PARP4: variants seen among roughly 807,000 people sequenced by gnomAD.
PARP4 encodes the protein protein mono-ADP-ribosyltransferase PARP4.
Under a neutral mutation model 187.7 loss-of-function variants are expected in PARP4, and 120 were observed. That is an observed-to-expected ratio of 0.64 (90% CI 0.55 to 0.74). The LOEUF (loss-of-function observed/expected upper bound fraction) is 0.74, where lower values mean the gene tolerates loss of function less well. PARP4 is among the 30% of genes least tolerant of loss of function. The pLI is 0.00. For missense variants in PARP4, 1,836 were observed against 2,070.5 expected (o/e 0.89, Z 2.20); for synonymous variants, 654 against 740.9 (o/e 0.88, Z 1.90).
rs1869157611 is a variant in PARP4, at chr13:24,499,511, T to C, written c.402-135A>G. 1.2e-5 allele frequency: 8 copies of C among 680,422 alleles called. 1 individual carries two copies. Among genetic ancestry groups the C allele is most frequent in the Middle Eastern group, 8.9e-4 (2 of 2,256 alleles). The allele number at this position is 680,422 out of a possible 1,614,324, so 42.1% of individuals were successfully genotyped here. On this transcript the variant is annotated intron_variant, in intron 4 of 33. Transcript: ENST00000381989. ...TTACAAAACACATGGTAAGTCCACA[T>C]GGTAAGTCCCTAAGGCCTCCTTAGC...
intron 4 of PARP4, 145 bp from the exon 5 acceptor site, chr13:24,499,521 C>T (rs933626950): frequency 3.3e-6 from 2 of 611,444 alleles, no homozygotes; most frequent in East Asian, 6.6e-5. Context: ...TGGTAAGTCC[C>T]TAAGGCCTCC....
intron 17 of PARP4, among the ~76,000 whole-genome samples, chr13:24,461,699 G>C (rs984249715): frequency 6.6e-6 from 1 of 152,188 alleles, no homozygotes; most frequent in African/African-American, 2.4e-5. Flanking sequence ...CCGTGGAGCA[G>C]GTGTGTGGGA....
chr13:24,440,437 A>G (rs1369708218), intron 30 of PARP4, among the ~76,000 whole-genome samples: 35 of 149,626 alleles, frequency 2.3e-4, no homozygotes, highest in Admixed American at 1.3e-3. Context: ...AAAAAAAAAA[A>G]AGAAATCAAG....
In PARP4 at chr13:24,453,581, A is replaced by G. The variant is rs1871649778; in HGVS notation, c.2826+6T>C. On this transcript the variant is annotated splice_donor_region_variant and intron_variant, in intron 23 of 33. Transcript: ENST00000381989. ...CCAGGAGATACAGGAAGCCTCTTGC[A>G]CTCACCATGATGAACTCTGCTGCCA... The G allele has an allele frequency of 1.3e-6, 2 of 1,566,952 alleles. No homozygotes were observed. Among genetic ancestry groups the G allele is most frequent in the Non-Finnish European group, 1.8e-6 (2 of 1,137,242 alleles).
At chr13:24,510,715 A>C (rs1869972523) in intron 1 of PARP4, among the ~76,000 whole-genome samples, 1 of 152,168 alleles carries the variant, frequency 6.6e-6, no homozygotes, top group African/African-American at 2.4e-5. Flanking sequence ...GCCTTTTAAA[A>C]ATTGTGGTAC....
At chr13:24,472,401 G>A (rs1872763897) in intron 15 of PARP4, among the ~76,000 whole-genome samples, 1 of 152,100 alleles carries the variant, frequency 6.6e-6, no homozygotes, top group Non-Finnish European at 1.5e-5. Flanking sequence ...CAGGGGTGGA[G>A]GTCAGCTATA....
intron 1 of PARP4, among the ~76,000 whole-genome samples, chr13:24,509,634 T>C (rs888524618): frequency 6.6e-6 from 1 of 152,214 alleles, no homozygotes; most frequent in Non-Finnish European, 1.5e-5. Flanking sequence ...ATACATATTA[T>C]GGGTCAATAA....
At chr13:24,503,580 C>A in intron 2 of PARP4, 65 bp downstream of exon 2, 1 of 1,568,244 alleles carries the variant, frequency 6.4e-7, no homozygotes, top group African/African-American at 1.4e-5. Flanking sequence ...CCTCTTCTAA[C>A]CATGACCCTG....
chr13:24,449,199 T>C (rs375810499), intron 25 of PARP4, among the ~76,000 whole-genome samples: 78 of 152,090 alleles, frequency 5.1e-4, no homozygotes, highest in East Asian at 1.9e-3. Context: ...CCATCCTGGC[T>C]AACACAGTGA....
At chr13:24,494,481 C>A (rs1246847080) in intron 7 of PARP4, 92 bp downstream of exon 7, 11 of 1,197,874 alleles carry the variant, frequency 9.2e-6, no homozygotes, top group Non-Finnish European at 1.3e-5. Flanking sequence ...GCATGAGCCA[C>A]GAAGCCTGGC....
At chr13:24,496,738 C>T (rs1269506315) in intron 6 of PARP4, among the ~76,000 whole-genome samples, 1 of 152,132 alleles carries the variant, frequency 6.6e-6, no homozygotes, top group Non-Finnish European at 1.5e-5. Flanking sequence ...CAAGACAGAG[C>T]TGTAGGCAGG....
At chr13:24,484,189 G>A (rs1318550940) in intron 12 of PARP4, among the ~76,000 whole-genome samples, 1 of 152,044 alleles carries the variant, frequency 6.6e-6, no homozygotes, top group African/African-American at 2.4e-5. Context: ...TGTACATGGG[G>A]TTCTTCTCAC....
intron 33 of PARP4, among the ~76,000 whole-genome samples, chr13:24,422,990 G>A (rs1370819032): frequency 4.6e-5 from 7 of 152,020 alleles, no homozygotes; most frequent in Non-Finnish European, 1.0e-4. Context: ...GCAATATGCT[G>A]GAATATACTT....
chr13:24,428,950 A>G (rs570859061), intron 32 of PARP4, among the ~76,000 whole-genome samples: 1 of 152,298 alleles, frequency 6.6e-6, no homozygotes, highest in East Asian at 1.9e-4. Context: ...CCCTGGTTAC[A>G]CAAATGTTAA....
chr13:24,449,485 C>A (rs1182224620), intron 25 of PARP4, among the ~76,000 whole-genome samples: 1 of 150,730 alleles, frequency 6.6e-6, no homozygotes. Context: ...TAAAAAAAAT[C>A]AGTCCATGAT....
chr13:24,449,345 G>A (rs182596912), intron 25 of PARP4, among the ~76,000 whole-genome samples: 260 of 145,822 alleles, frequency 1.8e-3, no homozygotes, highest in African/African-American at 6.2e-3. Flanking sequence ...CCGAGATGGC[G>A]CCACTGCACT....
chr13:24,507,259 G>T (rs1290544700), intron 1 of PARP4, among the ~76,000 whole-genome samples: 1 of 152,234 alleles, frequency 6.6e-6, no homozygotes, highest in Non-Finnish European at 1.5e-5. Flanking sequence ...GGGCTGAAGG[G>T]CTCCTCAAGC....
At chr13:24,461,107 G>A (rs1872197794) in intron 17 of PARP4, among the ~76,000 whole-genome samples, 1 of 152,164 alleles carries the variant, frequency 6.6e-6, no homozygotes, top group African/African-American at 2.4e-5. Flanking sequence ...ACTATGCAGA[G>A]ATCCTCTCAA....
intron 7 of PARP4, among the ~76,000 whole-genome samples, chr13:24,493,990 T>C (rs1304259916): frequency 6.6e-6 from 1 of 152,106 alleles, no homozygotes; most frequent in African/African-American, 2.4e-5. Flanking sequence ...TCTAGGCCTG[T>C]CAGTAGTAGT....
Sources: allele counts gnomAD v4.1 joint callset (sites outside exome capture counted in the v4.1 genomes callset), GRCh38; gene constraint gnomAD v4.1.1; transcripts MANE v1.5; gene names NCBI Gene and HGNC (gene_info 2026-07-23, HGNC 2026-07-21).